Variants in NT5DC3 observed in about 807,000 individuals in gnomAD.
NT5DC3 encodes the protein 5'-nucleotidase domain containing 3, also known as 5'-nucleotidase domain-containing protein 3.
Under a neutral mutation model 67.8 loss-of-function variants are expected in NT5DC3, and 42 were observed. That is an observed-to-expected ratio of 0.62 (90% confidence interval 0.48 to 0.80). The LOEUF (loss-of-function observed/expected upper bound fraction) is 0.80. Ranked by LOEUF, NT5DC3 falls within the 30% of genes least tolerant of loss-of-function variation. NT5DC3 has a pLI of 0.00. For missense variants in NT5DC3, 570 were observed against 696.4 expected (o/e 0.82, Z 2.04); for synonymous variants, 237 against 255.6 (o/e 0.93, Z 0.69).
intron 1 of NT5DC3, chr12:103,819,521 A>T (rs1653576131): frequency 6.6e-6 from 1 of 152,250 alleles, no homozygotes; most frequent in African/African-American, 2.4e-5. Context: ...AAAGAAATGG[A>T]GAGACAGCTC....
chr12:103,798,459 G>A (rs753250103), intron 5 of NT5DC3, 128 bp downstream of exon 5: 17 of 654,702 alleles, frequency 2.6e-5, no homozygotes, highest in African/African-American at 1.1e-4. Flanking sequence ...CCCTTCAAAC[G>A]CTAGTCTCTC....
chr12:103,791,606 C>A (rs549116029), intron 9 of NT5DC3, among the ~76,000 whole-genome samples: 2 of 152,204 alleles, frequency 1.3e-5, no homozygotes, highest in Non-Finnish European at 2.9e-5. Flanking sequence ...GGTAGAACAT[C>A]CCTTTCTCTC....
chr12:103,800,480 G>A (rs529706511), intron 4 of NT5DC3, among the ~76,000 whole-genome samples: 15 of 152,324 alleles, frequency 9.8e-5, no homozygotes, highest in East Asian at 9.6e-4. Flanking sequence ...TGATTCAGCC[G>A]GGTCAGAGTT....
chr12:103,747,487 A>T, the NT5DC3 span, among the ~76,000 whole-genome samples: 1 of 152,108 alleles, frequency 6.6e-6, no homozygotes, highest in Admixed American at 6.5e-5. Flanking sequence ...GGCCAATACC[A>T]TAAGCCCAGC....
chr12:103,755,307 G>C, the NT5DC3 span: 7 of 1,613,806 alleles, frequency 4.3e-6, no homozygotes, highest in Admixed American at 3.3e-5. Flanking sequence ...TGCAGGCCAA[G>C]TACCACCTGT....
In NT5DC3 at chr12:103,814,963, G is replaced by A. The variant is rs368049739; in HGVS notation, c.367C>T (p.Arg123Trp). Residue 123 changes from arginine (R) to tryptophan (W), a missense_variant, in exon 2 of 14, where the codon CGG (arginine) becomes TGG (tryptophan). Coordinates refer to ENST00000392876, the MANE Select transcript of NT5DC3 (RefSeq NM_001031701.3). ...HLHTLIFNAA[R>W]DLLINEHRYP... is the part of the protein sequence containing the mutation. ...CGGTGTTCATTGATGAGAAGGTCCC[G>A]TGCAGCATTAAATATCAGCGTGTGG... 45 of 1,611,726 alleles carry A rather than the reference G, an allele frequency of 2.8e-5. No individual in the cohort carries two copies. Among genetic ancestry groups the A allele is most frequent in the Non-Finnish European group, 3.5e-5 (41 of 1,178,960 alleles).
At chr12:103,762,257 CCTTT>C in the NT5DC3 span, 77 of 1,612,910 alleles carry the variant, frequency 4.8e-5, no homozygotes, top group Non-Finnish European at 6.0e-5. Flanking sequence ...GGGCCCCTTT[CCTTT>C]CTTTGTGTTC....
intron 12 of NT5DC3, among the ~76,000 whole-genome samples, chr12:103,784,358 G>A (rs1020379043): frequency 6.6e-6 from 1 of 152,238 alleles, no homozygotes; most frequent in Admixed American, 6.5e-5. Context: ...GGCCCAGGGG[G>A]ACGTGCAGGG....
rs1215251094 is a variant in NT5DC3 at position 103,772,844 on chromosome 12, A to C, written c.*4985T>G. ...GGCTCTTCAGCAGGGGAAACTCCTCATAAGGGCTGGAAGTAAATGGCCAGC... is the reference window on the plus strand; with the variant it reads ...GGCTCTTCAGCAGGGGAAACTCCTCCTAAGGGCTGGAAGTAAATGGCCAGC... On this transcript the variant is annotated 3_prime_UTR_variant, in exon 14 of 14. Transcript: ENST00000392876. 1 of 152,452 alleles carries C rather than the reference A, an allele frequency of 6.6e-6. No homozygotes were observed. The highest frequency in any genetic ancestry group is 2.4e-5 in the African/African-American group (1 of 41,462). The allele number at this position is 152,452 out of a possible 1,614,324, so 9.4% of individuals were successfully genotyped here.
the NT5DC3 span, chr12:103,749,251 C>A: frequency 7.6e-7 from 1 of 1,317,380 alleles, no homozygotes; most frequent in Non-Finnish European, 1.0e-6. Context: ...ATCTCCTGGA[C>A]TCTTCCTAAA....
chr12:103,806,574 CAG>C (rs1174249661), intron 3 of NT5DC3, among the ~76,000 whole-genome samples, 197 bp from the exon 4 acceptor site: 2 of 152,020 alleles, frequency 1.3e-5, no homozygotes, highest in African/African-American at 2.4e-5. Flanking sequence ...CTGCAAAAGA[CAG>C]GGGAAAAAAA....
downstream of NT5DC3, chr12:103,767,045 A>T (rs1885010198): frequency 6.6e-6 from 1 of 152,108 alleles, no homozygotes; most frequent in African/African-American, 2.4e-5. Context: ...TTAAACACAG[A>T]GTTACCATAT....
chr12:103,830,359 ACTT>A (rs1435353982), intron 1 of NT5DC3, among the ~76,000 whole-genome samples: 1 of 152,086 alleles, frequency 6.6e-6, no homozygotes, highest in Non-Finnish European at 1.5e-5. Context: ...TGTATATATT[ACTT>A]CTTATTCATA....
chr12:103,760,421 C>T, the NT5DC3 span, among the ~76,000 whole-genome samples: 1 of 152,166 alleles, frequency 6.6e-6, no homozygotes, highest in Admixed American at 6.5e-5. Context: ...CCACCACACT[C>T]AGCTGATTTT....
intron 6 of NT5DC3, among the ~76,000 whole-genome samples, chr12:103,796,552 C>T (rs1886324510): frequency 6.6e-6 from 1 of 152,144 alleles, no homozygotes; most frequent in Non-Finnish European, 1.5e-5. Context: ...CACCCTTGCT[C>T]GGGCAGACTC....
At chr12:103,820,615 T>C (rs1298438084) in intron 1 of NT5DC3, among the ~76,000 whole-genome samples, 2 of 152,188 alleles carry the variant, frequency 1.3e-5, no homozygotes, top group African/African-American at 4.8e-5. Context: ...TTGGCAGAGC[T>C]GTCACAGAGC....
intron 9 of NT5DC3, among the ~76,000 whole-genome samples, chr12:103,791,735 G>GCATTAC (rs1157898554): frequency 2.0e-5 from 3 of 152,208 alleles, no homozygotes; most frequent in Non-Finnish European, 4.4e-5. Flanking sequence ...GGGTGAGAGA[G>GCATTAC]CATTACCGCC....
chr12:103,789,062 C>T, intron 9 of NT5DC3, 143 bp from the exon 10 acceptor site: 2 of 641,030 alleles, frequency 3.1e-6, no homozygotes, highest in East Asian at 2.6e-5. Flanking sequence ...CCATCATATT[C>T]CCTGGCCTAA....
At chr12:103,765,087 A>C in the NT5DC3 span, among the ~76,000 whole-genome samples, 295 of 15,646 alleles carry the variant, frequency 0.019, 1 homozygote, top group African/African-American at 0.027. Context: ...ACTCTGTCTC[A>C]AAAAAAAAAA....
Sources: gnomAD v4.1 joint callset for allele counts (sites outside exome capture counted in the v4.1 genomes callset) on GRCh38, gnomAD v4.1.1 for gene constraint, MANE v1.5 for transcripts, NCBI Gene and HGNC (gene_info 2026-07-23, HGNC 2026-07-21) for gene names.